The following SNRPN variants were observed in gnomAD, a reference collection of about 807,000 sequenced individuals.
SNRPN encodes the protein small nuclear ribonucleoprotein-associated protein N.
In SNRPN, 7 loss-of-function variants were observed where a neutral mutation model predicts 25.2. The ratio of observed to expected loss-of-function variants is 0.28; its 90% CI spans 0.16 to 0.52. The LOEUF is 0.52. Among genes scored for constraint, SNRPN ranks in the 20% least tolerant of loss-of-function variants. The pLI, the probability that SNRPN is intolerant of heterozygous loss-of-function variation, is 0.96. For synonymous variants in SNRPN, 124 were observed against 110.6 expected, an observed-to-expected ratio of 1.12 and a Z score of -0.76; for missense variants, 196 against 322.5, an observed-to-expected ratio of 0.61 and a Z score of 3.00.
intron 1 of SNRPN, among the ~76,000 whole-genome samples, chr15:24,878,290 C>T (rs191967104): frequency 1.3e-4 from 20 of 152,280 alleles, no homozygotes; most frequent in Admixed American, 1.0e-3. Context: ...TGGCTATTAC[C>T]GCAACCACCG....
intron 1 of SNRPN, among the ~76,000 whole-genome samples, chr15:24,961,860 T>C (rs1294318024): frequency 1.3e-5 from 2 of 152,170 alleles, no homozygotes; most frequent in Non-Finnish European, 2.9e-5. Context: ...GGTAGATATA[T>C]TATTTTAATT....
intron 1 of SNRPN, among the ~76,000 whole-genome samples, chr15:24,827,739 T>C (rs959728079): frequency 1.3e-5 from 2 of 149,422 alleles, no homozygotes; most frequent in Admixed American, 1.3e-4. Context: ...TTGTGGCACA[T>C]GCCTGTAATC....
In SNRPN at chr15:24,976,887, C is replaced by T; in HGVS notation, c.278C>T (p.Ala93Val). Residue 93 changes from alanine to valine, a missense_variant, in exon 7 of 10, where the codon GCT becomes GTT. By Grantham distance (64) the Ala-to-Val change is moderately conservative. Coordinates refer to ENST00000390687, the MANE Select transcript of SNRPN (RefSeq NM_003097.6). ...EGPPPKDTGI[A>V]RVPLAGAAGG... ...ATTTTCTTGTTTCAGACTGGCATTG[C>T]TCGGGTACCACTTGCTGGAGCTGCT... 1.2e-6 allele frequency: 2 copies of T among 1,608,018 alleles called. No individual in the cohort carries two copies. The highest frequency in any genetic ancestry group is 1.7e-6 in the Non-Finnish European group (2 of 1,178,324).
intron 2 of SNRPN, among the ~76,000 whole-genome samples, chr15:24,911,894 G>T (rs1350464761): frequency 2.0e-5 from 3 of 152,218 alleles, no homozygotes; most frequent in Non-Finnish European, 4.4e-5. Flanking sequence ...AGATCCGGTA[G>T]TGCGTATTCC....
intron 2 of SNRPN, among the ~76,000 whole-genome samples, chr15:24,837,811 G>A (rs1314510311): frequency 7.9e-5 from 12 of 151,266 alleles, no homozygotes; most frequent in South Asian, 2.1e-4. Context: ...TGCAACCTCC[G>A]CCTCCTGGTT....
chr15:24,968,500 ATAAAT>A (rs1566967288), intron 3 of SNRPN: 2 of 156,314 alleles, frequency 1.3e-5, no homozygotes, highest in African/African-American at 4.8e-5. Flanking sequence ...AGATGTGAAA[ATAAAT>A]TGAATCAAGG....
chr15:24,967,901 A>G, intron 2 of SNRPN, 31 bp from the exon 3 acceptor site: 3 of 1,551,122 alleles, frequency 1.9e-6, no homozygotes, highest in South Asian at 1.1e-5. Flanking sequence ...ATGTATTTTT[A>G]TCATTTATAT....
chr15:24,869,788 T>C (rs2054914205), intron 1 of SNRPN, among the ~76,000 whole-genome samples: 1 of 152,176 alleles, frequency 6.6e-6, no homozygotes, highest in Admixed American at 6.5e-5. Context: ...GTTTCACTTT[T>C]TGAAAATAAG....
In SNRPN at chr15:24,881,554, AGG is replaced by A. The variant is rs1310086688; in HGVS notation, c.-578-4960_-578-4959del. 6.0e-3 allele frequency among the ~76,000 whole-genome samples: 340 copies of A among 56,494 alleles called. 1 individual carries two copies. Among genetic ancestry groups the A allele is most frequent in the African/African-American group, 8.2e-3 (114 of 13,986 alleles). 37.1% of individuals were successfully genotyped at this position (56,494 alleles called of 152,430 possible). A position where few individuals can be genotyped will look rare whatever the true frequency, so the allele number is the denominator to read the frequency against. On this transcript the variant is annotated intron_variant, in intron 1 of 11. Coordinates refer to the SNRPN transcript ENST00000400097. ...GAGAGAGAGAGAGAGAGAGAGAGAG[AGG>A]GAGGGAGGGAGGGAGGGAGGGAGGG... is the stretch of plus-strand genomic sequence containing the variant.
intron 3 of SNRPN, among the ~76,000 whole-genome samples, chr15:24,934,131 C>T (rs1303066438): frequency 6.6e-6 from 1 of 152,014 alleles, no homozygotes; most frequent in Non-Finnish European, 1.5e-5. Context: ...AACCCCGTCT[C>T]TATTAAAAAT....
intron 1 of SNRPN, among the ~76,000 whole-genome samples, chr15:24,958,567 C>G (rs1388173385): frequency 2.2e-5 from 3 of 136,324 alleles, no homozygotes; most frequent in African/African-American, 8.1e-5. Flanking sequence ...ACTCGAACTG[C>G]TAGACTCAAG....
intron 1 of SNRPN, among the ~76,000 whole-genome samples, chr15:24,874,521 C>T (rs988906870): frequency 6.6e-6 from 1 of 152,020 alleles, no homozygotes; most frequent in African/African-American, 2.4e-5. Flanking sequence ...ATAGTGTAAT[C>T]AGCTGATGTT....
chr15:24,870,381 T>C (rs1177877517), intron 1 of SNRPN, among the ~76,000 whole-genome samples: 6 of 152,138 alleles, frequency 3.9e-5, no homozygotes, highest in Non-Finnish European at 5.9e-5. Flanking sequence ...TGTGTAAATA[T>C]TTCCTCATAT....
At position 24,967,973 on chromosome 15, in the gene SNRPN, C is replaced by G; in HGVS notation, c.-253C>G. 1 of 1,614,030 alleles carries G rather than the reference C, an allele frequency of 6.2e-7. No individual in the cohort carries two copies. The highest frequency in any genetic ancestry group is 8.5e-7 in the Non-Finnish European group (1 of 1,180,022). On this transcript the variant is annotated 5_prime_UTR_variant, in exon 3 of 10. Transcript: ENST00000390687. The stretch of plus-strand genomic sequence containing the variant: ...AGGCGTTCTCAGCAGCAGCAAGTAC[C>G]TGTGGTGGATTTCCAGGCTGAACTG...
At chr15:24,915,213 C>T (rs554212244) in intron 2 of SNRPN, among the ~76,000 whole-genome samples, 18 of 151,874 alleles carry the variant, frequency 1.2e-4, no homozygotes, top group South Asian at 1.0e-3. Context: ...CTGTAACCTC[C>T]GCCTCCTGGG....
intron 1 of SNRPN, among the ~76,000 whole-genome samples, chr15:24,827,832 A>T (rs1294347055): frequency 1.3e-5 from 2 of 150,082 alleles, no homozygotes; most frequent in East Asian, 4.0e-4. Flanking sequence ...GCACCACTGC[A>T]CTCCAGACTG....
intron 1 of SNRPN, among the ~76,000 whole-genome samples, chr15:24,861,259 C>G (rs1489262536): frequency 2.6e-5 from 4 of 152,186 alleles, no homozygotes; most frequent in Non-Finnish European, 5.9e-5. Context: ...AAGGCATAGC[C>G]TACTACACAT....
rs1195994208 is a variant in SNRPN, at chr15:24,964,188, C to T, written c.-295+1979C>T. On this transcript the variant is annotated intron_variant, in intron 2 of 9. Transcript: ENST00000390687. Reference sequence around the variant, plus strand: ...CATTTTTTAAAATTGCTTTGGAAGACGTATTTTATGTACGTTTTGTTTGTA... The same window carrying T: ...CATTTTTTAAAATTGCTTTGGAAGATGTATTTTATGTACGTTTTGTTTGTA... Among the ~76,000 whole-genome samples the T allele has an allele frequency of 2.6e-5, 4 of 151,568 alleles. No individual in the cohort carries two copies. In the South Asian group the frequency reaches 6.2e-4, roughly 24 times the overall value.
At chr15:24,892,119 A>G (rs2057727952) in intron 2 of SNRPN, among the ~76,000 whole-genome samples, 1 of 152,224 alleles carries the variant, frequency 6.6e-6, no homozygotes, top group African/African-American at 2.4e-5. Context: ...GAGTCACTGC[A>G]AAGACATCTA....
Sources: gnomAD v4.1 joint callset for allele counts (sites outside exome capture counted in the v4.1 genomes callset) on GRCh38, gnomAD v4.1.1 for gene constraint, MANE v1.5 for transcripts, NCBI Gene and HGNC (gene_info 2026-07-23, HGNC 2026-07-21) for gene names.